The following GATAD1 variants were observed in gnomAD, a reference collection of about 807,000 sequenced individuals.
GATAD1 encodes the protein GATA zinc finger domain-containing protein 1.
Under a neutral mutation model 26.5 loss-of-function variants are expected in GATAD1, and 12 were observed. The observed-to-expected ratio is 0.45, with a 90% CI of 0.29 to 0.73. The LOEUF is 0.73. Among genes scored for constraint, GATAD1 ranks in the 30% least tolerant of loss-of-function variants. The pLI is 0.10. For missense variants in GATAD1, 266 were observed against 342.1 expected (o/e 0.78, Z 1.75); for synonymous variants, 129 against 133.1 (o/e 0.97, Z 0.21).
the GATAD1 span, chr7:92,471,454 T>C: frequency 1.3e-5 from 2 of 152,238 alleles, no homozygotes; most frequent in East Asian, 1.9e-4. Flanking sequence ...GTAATTTCCA[T>C]TGGATAGTTG....
At chr7:92,478,669 G>A in the GATAD1 span, among the ~76,000 whole-genome samples, 1 of 152,140 alleles carries the variant, frequency 6.6e-6, no homozygotes. Context: ...AAAGAGTAAA[G>A]GTTTTTGGAA....
chr7:92,456,242 G>A (rs1789665500), intron 4 of GATAD1, 130 bp from the exon 5 acceptor site: 2 of 548,806 alleles, frequency 3.6e-6, no homozygotes, highest in South Asian at 5.5e-5. Context: ...TCAAAGTAAT[G>A]CATGTTTCAA....
the GATAD1 span, among the ~76,000 whole-genome samples, chr7:92,492,334 A>G: frequency 5.3e-5 from 8 of 152,296 alleles, no homozygotes; most frequent in East Asian, 1.5e-3. Flanking sequence ...CACAGAGACA[A>G]GATCCCACTC....
At position 92,456,988 on chromosome 7, in the gene GATAD1, G is replaced by A. The variant is rs1224565209; in HGVS notation, c.*426G>A. The A allele has an allele frequency of 3.3e-5, 5 of 153,056 alleles. No individual in the cohort carries two copies. Among genetic ancestry groups the A allele is most frequent in the African/African-American group, 1.2e-4 (5 of 41,324 alleles). The allele number at this position is 153,056 out of a possible 1,614,324, so 9.5% of individuals were successfully genotyped here. On this transcript the variant is annotated 3_prime_UTR_variant, in exon 5 of 5. Transcript: ENST00000287957. ...AGCCTGGCCAACATGGCGAAACCCC[G>A]TCGCTACTAAAAATACAAAAATTAG... is the stretch of plus-strand genomic sequence containing the variant.
chr7:92,487,587 A>G, the GATAD1 span: 1 of 835,110 alleles, frequency 1.2e-6, no homozygotes, highest in Non-Finnish European at 2.0e-6. Flanking sequence ...TACTACCATT[A>G]CAAAACAAAA....
the GATAD1 span, among the ~76,000 whole-genome samples, chr7:92,482,803 A>G: frequency 6.6e-6 from 1 of 152,150 alleles, no homozygotes; most frequent in Non-Finnish European, 1.5e-5. Flanking sequence ...AAAAGAGTGC[A>G]TAAAAGAATG....
chr7:92,468,853 G>A, the GATAD1 span: 1 of 764,520 alleles, frequency 1.3e-6, no homozygotes. Flanking sequence ...ATTAACATCA[G>A]ATCGTGGGCT....
chr7:92,449,229 T>C, intron 2 of GATAD1: 1 of 781,506 alleles, frequency 1.3e-6, no homozygotes, highest in South Asian at 5.7e-5. Flanking sequence ...CTAAGAAAAC[T>C]TTTTTTTTTC....
chr7:92,450,416 T>A (rs1789377887), intron 2 of GATAD1: 3 of 387,078 alleles, frequency 7.8e-6, no homozygotes, highest in Non-Finnish European at 1.4e-5. Context: ...CTGGAATGTT[T>A]ATGTGTAGTG....
rs2115901288 is a variant in GATAD1 at position 92,459,358 on chromosome 7, AATTG to A, written c.*2799_*2802del. 1 of 152,370 alleles carries A rather than the reference AATTG, an allele frequency of 6.6e-6. No homozygotes were observed. Among genetic ancestry groups the A allele is most frequent in the African/African-American group, 2.4e-5 (1 of 41,594 alleles). 9.4% of individuals were successfully genotyped at this position (152,370 alleles called of 1,614,324 possible). The stretch of plus-strand genomic sequence containing the variant: ...AAATGTAGACTTTTAAAAATCTATA[AATTG>A]ATCATCTGTTTATAAATTGGCAGAT... On this transcript the variant is annotated 3_prime_UTR_variant, in exon 5 of 5. Coordinates refer to ENST00000287957, the MANE Select transcript of GATAD1 (RefSeq NM_021167.5).
At chr7:92,475,835 T>C in the GATAD1 span, among the ~76,000 whole-genome samples, 1 of 152,220 alleles carries the variant, frequency 6.6e-6, no homozygotes, top group Non-Finnish European at 1.5e-5. Context: ...AAACAAGTTC[T>C]TATGCAAATG....
At chr7:92,482,942 C>T in the GATAD1 span, among the ~76,000 whole-genome samples, 1 of 152,100 alleles carries the variant, frequency 6.6e-6, no homozygotes, top group Non-Finnish European at 1.5e-5. Context: ...TGGGTAGCCC[C>T]TGTATCGATT....
At chr7:92,452,640 A>T (rs181966400) in intron 3 of GATAD1, among the ~76,000 whole-genome samples, 12 of 152,328 alleles carry the variant, frequency 7.9e-5, no homozygotes, top group Non-Finnish European at 1.5e-4. Flanking sequence ...CTCTCAGCAA[A>T]TGAGGAGACT....
chr7:92,495,155 T>C, the GATAD1 span, among the ~76,000 whole-genome samples: 3 of 152,124 alleles, frequency 2.0e-5, no homozygotes, highest in African/African-American at 7.2e-5. Flanking sequence ...CTATAAAATA[T>C]ATTTTATTTC....
At position 92,448,784 on chromosome 7, in the gene GATAD1, G is replaced by C; in HGVS notation, c.282G>C (p.Arg94=). 1 of 1,611,228 alleles carries C rather than the reference G, an allele frequency of 6.2e-7. No individual in the cohort carries two copies. The highest frequency in any genetic ancestry group is 1.3e-5 in the African/African-American group (1 of 74,970). ...SKQEIHRRSA[R]LRNTKYKSAP... ...AGGAAATTCACAGGAGGTCTGCTCG[G>C]CTCAGAAACACTAAATACAAATCTG... Residue 94 remains arginine (R), a synonymous_variant, in exon 2 of 5, where the codon CGG becomes CGC. Transcript: ENST00000287957.
Position 92,447,557 on chromosome 7 carries a change from T to C in GATAD1, c.-173T>C. ...GCCTGCGGAGCCGGCGGAACCCGCT[T>C]CCCGCCTCCACGGGGCAGCGCCAGC... On this transcript the variant is annotated 5_prime_UTR_variant, in exon 1 of 5. Transcript: ENST00000287957. 1 of 828,582 alleles carries C rather than the reference T, an allele frequency of 1.2e-6. No individual in the cohort carries two copies. 51.3% of individuals were successfully genotyped at this position (828,582 alleles called of 1,614,324 possible).
the GATAD1 span, chr7:92,494,343 G>C: frequency 6.2e-7 from 1 of 1,614,030 alleles, no homozygotes; most frequent in African/African-American, 1.3e-5. Flanking sequence ...CCAGGCCTAA[G>C]CAGGGCAGGG....
chr7:92,487,602 A>C, the GATAD1 span: 1 of 735,460 alleles, frequency 1.4e-6, no homozygotes, highest in Non-Finnish European at 2.3e-6. Context: ...ACAAAAGATA[A>C]TGGATTGTTG....
At chr7:92,494,468 C>T in the GATAD1 span, 1 of 1,612,702 alleles carries the variant, frequency 6.2e-7, no homozygotes. Flanking sequence ...CATTCTATTT[C>T]TGTATTTATA....
Sources: gnomAD v4.1 joint callset for allele counts (sites outside exome capture counted in the v4.1 genomes callset) on GRCh38, gnomAD v4.1.1 for gene constraint, MANE v1.5 for transcripts, NCBI Gene and HGNC (gene_info 2026-07-23, HGNC 2026-07-21) for gene names.